TENT4A: variants seen among roughly 807,000 people sequenced by gnomAD.
TENT4A encodes terminal nucleotidyltransferase 4A.
A neutral mutation model predicts 72.8 loss-of-function variants in TENT4A; 7 were observed. The ratio of observed to expected loss-of-function variants is 0.10; its 90% CI spans 0.05 to 0.18. The LOEUF (loss-of-function observed/expected upper bound fraction) is 0.18. Among genes scored for constraint, TENT4A ranks in the 10% least tolerant of loss-of-function variants. The pLI is 1.00. For synonymous variants in TENT4A, 456 were observed against 434.3 expected (o/e 1.05, Z -0.62); for missense variants, 831 against 1,017.7 (o/e 0.82, Z 2.50).
intron 1 of TENT4A, among the ~76,000 whole-genome samples, chr5:6,733,905 A>T (rs1741332889): frequency 6.6e-6 from 1 of 152,198 alleles, no homozygotes; most frequent in Admixed American, 6.5e-5. Flanking sequence ...CAAAAAATGT[A>T]AAAATGTTTA....
At chr5:6,724,128 G>T (rs1437324582) in intron 1 of TENT4A, among the ~76,000 whole-genome samples, 1 of 152,210 alleles carries the variant, frequency 6.6e-6, no homozygotes, top group Non-Finnish European at 1.5e-5. Flanking sequence ...CAAGCGTCTT[G>T]CCCAAGGCGC....
chr5:6,740,255 G>GT (rs1443886624), intron 4 of TENT4A, among the ~76,000 whole-genome samples: 1 of 152,170 alleles, frequency 6.6e-6, no homozygotes, highest in Admixed American at 6.5e-5. Context: ...GCTATGTTAT[G>GT]TTAAAGAGGA....
At chr5:6,753,731 G>A (rs1176188836) in intron 12 of TENT4A, among the ~76,000 whole-genome samples, 1 of 152,240 alleles carries the variant, frequency 6.6e-6, no homozygotes, top group Admixed American at 6.5e-5. Context: ...CTCCTCCTTT[G>A]CTTGTCTAAT....
chr5:6,745,378 C>T (rs900426154), intron 6 of TENT4A, among the ~76,000 whole-genome samples: 1 of 152,174 alleles, frequency 6.6e-6, no homozygotes, highest in African/African-American at 2.4e-5. Context: ...CATGTGCCCT[C>T]GTCCATCCCT....
Position 6,713,879 on chromosome 5 carries a change from G to A in TENT4A, c.-105G>A. 1 of 240,670 alleles carries A rather than the reference G, an allele frequency of 4.2e-6. No homozygotes were observed. The highest frequency in any genetic ancestry group is 6.5e-6 in the Non-Finnish European group (1 of 153,140). The allele number at this position is 240,670 out of a possible 1,614,324, so 14.9% of individuals were successfully genotyped here. A position where few individuals can be genotyped will look rare whatever the true frequency, so the allele number is the denominator to read the frequency against. On this transcript the variant is annotated 5_prime_UTR_variant, in exon 1 of 13. Transcript: ENST00000230859. ...GCCGCCGCCGCCGCCACCGGCCCAGGCCCGTCCGTCCGTCCGTGCGCGCGC... is the reference window on the plus strand; with the variant it reads ...GCCGCCGCCGCCGCCACCGGCCCAGACCCGTCCGTCCGTCCGTGCGCGCGC...
At position 6,754,905 on chromosome 5, in the gene TENT4A, C is replaced by T. The variant is rs140048914; in HGVS notation, c.2339C>T (p.Thr780Ile). The change falls in exon 13 of 13, where the codon ACA becomes ATA. Residue 780 changes from threonine (T) to isoleucine (I), a missense_variant. Physicochemically the swap from Thr to Ile is moderately conservative, Grantham distance 89. Around this residue, in one of 3 missense-constraint regions of TENT4A, gnomAD observed 332 missense variants for 324.3 expected, o/e 1.02. Transcript: ENST00000230859. ...ACCGGCTGGAGGAGGAAAAAACACA[C>T]ACACACACGGGACAGTCTGCCCGTG... The part of the protein sequence containing the change: ...NRTGWRRKKH[T>I]HTRDSLPVSL... The T allele has an allele frequency of 5.4e-5, 87 of 1,603,440 alleles. No homozygotes were observed. Among genetic ancestry groups the T allele is most frequent in the Non-Finnish European group, 7.0e-5 (82 of 1,172,238 alleles).
At chr5:6,750,280 T>C (rs758338934) in intron 9 of TENT4A, 51 bp from the exon 10 acceptor site, 11 of 1,496,020 alleles carry the variant, frequency 7.4e-6, no homozygotes. Context: ...CCGGGGCGGC[T>C]CCACGCCGCA....
chr5:6,740,940 G>T (rs971817273), intron 4 of TENT4A, among the ~76,000 whole-genome samples: 3 of 152,242 alleles, frequency 2.0e-5, no homozygotes, highest in African/African-American at 7.2e-5. Context: ...CTGAGATGCG[G>T]AGAGGTGAGG....
At chr5:6,714,919 G>A (rs1195068242) in intron 1 of TENT4A, 3 of 267,016 alleles carry the variant, frequency 1.1e-5, no homozygotes, top group Non-Finnish European at 2.1e-5. Flanking sequence ...TCCAAGAAAA[G>A]GGGCTGCTGG....
intron 12 of TENT4A, 55 bp from the exon 13 acceptor site, chr5:6,754,696 G>C (rs116576634): frequency 7.1e-7 from 1 of 1,404,784 alleles, no homozygotes. Flanking sequence ...GCCCGAGGAC[G>C]TGGGCATTGT....
rs1561021705 is a variant in TENT4A, at chr5:6,713,846, CCGCCG to C, written c.-136_-132del. The C allele has an allele frequency of 8.4e-5, 4 of 47,886 alleles. No individual in the cohort carries two copies. The highest frequency in any genetic ancestry group is 1.2e-4 in the Non-Finnish European group (3 of 25,534). The allele number at this position is 47,886 out of a possible 1,614,324, so 3.0% of individuals were successfully genotyped here. On this transcript the variant is annotated 5_prime_UTR_variant, in exon 1 of 13. Transcript: ENST00000230859. ...AGGAGGCCGGGGCTCGGCCCGCCCG[CCGCCG>C]CCGCCGCCGCCGCCGCCACCGGCCC...
At chr5:6,751,818 G>A (rs1742422080) in intron 11 of TENT4A, among the ~76,000 whole-genome samples, 1 of 152,136 alleles carries the variant, frequency 6.6e-6, no homozygotes, top group African/African-American at 2.4e-5. Flanking sequence ...TTTCTGAAAT[G>A]TGGGGTATAA....
chr5:6,736,550 C>T (rs1741510235), intron 1 of TENT4A, among the ~76,000 whole-genome samples: 1 of 152,224 alleles, frequency 6.6e-6, no homozygotes, highest in Non-Finnish European at 1.5e-5. Flanking sequence ...GATAATTTGC[C>T]TTCCCCTCTC....
chr5:6,754,925 C>T lies in TENT4A; in HGVS notation c.2359C>T (p.Pro787Ser). 1 of 1,584,494 alleles carries T rather than the reference C, an allele frequency of 6.3e-7. No individual in the cohort carries two copies. Among genetic ancestry groups the T allele is most frequent in the East Asian group, 2.3e-5 (1 of 43,888 alleles). Reference protein sequence around the residue: ...KKHTHTRDSLPVSLSR With the variant: ...KKHTHTRDSLSVSLSR ...ACACACACACACACGGGACAGTCTG[C>T]CCGTGAGCCTCAGCAGATAATGGCT... Residue 787 changes from proline (P) to serine (S), a missense_variant, in exon 13 of 13, where the codon CCC (proline) becomes TCC (serine). By Grantham distance (74) the Pro-to-Ser change is moderately conservative. Around this residue, in one of 3 missense-constraint regions of TENT4A, gnomAD observed 332 missense variants for 324.3 expected, o/e 1.02. Transcript: ENST00000230859.
chr5:6,718,836 A>G (rs1740511778), intron 1 of TENT4A, among the ~76,000 whole-genome samples: 1 of 152,198 alleles, frequency 6.6e-6, no homozygotes, highest in Non-Finnish European at 1.5e-5. Context: ...GGTCACTGAT[A>G]GATGAGGACT....
At chr5:6,734,976 A>G (rs1741402846) in intron 1 of TENT4A, among the ~76,000 whole-genome samples, 1 of 152,208 alleles carries the variant, frequency 6.6e-6, no homozygotes, top group East Asian at 1.9e-4. Flanking sequence ...TCTTGATAGT[A>G]GGGGATGCCC....
At chr5:6,721,926 G>A (rs911018640) in intron 1 of TENT4A, among the ~76,000 whole-genome samples, 6 of 152,200 alleles carry the variant, frequency 3.9e-5, no homozygotes, top group Admixed American at 6.5e-5. Context: ...GTTTGAAAGA[G>A]ATTTCAGATC....
chr5:6,750,884 G>A, intron 10 of TENT4A, 155 bp from the exon 11 acceptor site: 1 of 684,338 alleles, frequency 1.5e-6, no homozygotes, highest in South Asian at 2.1e-5. Flanking sequence ...AAGGAAGCCT[G>A]GGTAGGTTTG....
intron 6 of TENT4A, among the ~76,000 whole-genome samples, chr5:6,744,613 A>G (rs1280517765): frequency 6.6e-6 from 1 of 152,192 alleles, no homozygotes; most frequent in Non-Finnish European, 1.5e-5. Context: ...GAATGCTATG[A>G]TAGTAGAATC....
Sources: gnomAD v4.1 joint callset for allele counts (sites outside exome capture counted in the v4.1 genomes callset) on GRCh38, gnomAD v4.1.1 for gene constraint, gnomAD v4.1.1 regional missense constraint, MANE v1.5 for transcripts, NCBI Gene and HGNC (gene_info 2026-07-23, HGNC 2026-07-21) for gene names.